Variants in DOCK5 observed in about 807,000 individuals in gnomAD.
DOCK5 encodes dedicator of cytokinesis 5, also known as dedicator of cytokinesis protein 5.
In DOCK5, 142 loss-of-function variants were observed where a neutral mutation model predicts 251.8. The ratio of observed to expected loss-of-function variants is 0.56; its 90% CI spans 0.49 to 0.65. DOCK5 has a LOEUF of 0.65. Among genes scored for constraint, DOCK5 ranks in the 30% least tolerant of loss-of-function variants. The pLI, the probability that DOCK5 is intolerant of heterozygous loss-of-function variation, is 0.00. For missense variants in DOCK5, 2,111 were observed against 2,312.3 expected, an observed-to-expected ratio of 0.91 and a Z score of 1.79; for synonymous variants, 842 against 835.5, an observed-to-expected ratio of 1.01 and a Z score of -0.13.
chr8:25,321,974 ACT>A (rs1805436650), intron 16 of DOCK5, among the ~76,000 whole-genome samples: 1 of 152,034 alleles, frequency 6.6e-6, no homozygotes, highest in East Asian at 1.9e-4. Context: ...TCATGAAAAA[ACT>A]CTTTCAAGTC....
At chr8:25,278,968 A>C (rs1447843430) in intron 5 of DOCK5, among the ~76,000 whole-genome samples, 2 of 152,212 alleles carry the variant, frequency 1.3e-5, no homozygotes, top group Admixed American at 6.5e-5. Flanking sequence ...CCTAAGTGCC[A>C]GAAACTATGA....
intron 45 of DOCK5, among the ~76,000 whole-genome samples, chr8:25,398,828 A>G (rs1340881282): frequency 1.3e-5 from 2 of 152,130 alleles, no homozygotes; most frequent in East Asian, 3.9e-4. Context: ...TTGCTTCCAA[A>G]TAGGGTCACA....
intron 2 of DOCK5, among the ~76,000 whole-genome samples, chr8:25,247,606 A>G (rs527438019): frequency 1.3e-5 from 2 of 149,762 alleles, no homozygotes; most frequent in South Asian, 4.2e-4. Flanking sequence ...AAAAGAAAAA[A>G]AAAAGTAATT....
chr8:25,382,711 C>T lies in DOCK5; in HGVS notation c.4064C>T (p.Ala1355Val), dbSNP rs374820051. The T allele has an allele frequency of 3.1e-6, 5 of 1,613,166 alleles. No individual in the cohort carries two copies. In the African/African-American group the frequency reaches 6.7e-5, roughly 22 times the overall value. The change falls in exon 40 of 52, where the codon GCA becomes GTA. Residue 1355 changes from alanine to valine, a missense_variant. This residue lies in a region of DOCK5 where 1,717 missense variants were observed against 1,892.4 expected (regional missense o/e 0.91). Coordinates refer to ENST00000276440, the MANE Select transcript of DOCK5 (RefSeq NM_024940.8). ...RASFYENIIK[A>V]MRPQPEYFAV... Reference sequence around the variant, plus strand: ...TCATTTTATGAGAACATCATTAAGGCAATGAGGCCTCAGCCTGAATACTTT... The same window carrying T: ...TCATTTTATGAGAACATCATTAAGGTAATGAGGCCTCAGCCTGAATACTTT...
intron 1 of DOCK5, among the ~76,000 whole-genome samples, chr8:25,215,679 A>G (rs1019844544): frequency 2.0e-5 from 3 of 152,236 alleles, no homozygotes; most frequent in South Asian, 2.1e-4. Context: ...TGACAACAGT[A>G]TGTATGATTA....
chr8:25,323,861 G>A lies in DOCK5; in HGVS notation c.1629G>A (p.Ser543=), dbSNP rs548980300. The A allele has an allele frequency of 2.0e-5, 33 of 1,613,182 alleles. No individual in the cohort carries two copies. The highest frequency in any genetic ancestry group is 6.6e-5 in the South Asian group (6 of 90,810). ...HRSSQETRDK[S]ERAFGVAFVK... ...CTGCCTTTTCAGCCAGAGATAAATC[G>A]GAGCGAGCATTTGGGGTGGCCTTCG... The change falls in exon 17 of 52, where the codon TCG becomes TCA. Residue 543 remains serine, a synonymous_variant. Transcript: ENST00000276440.
In DOCK5 at chr8:25,275,377, T is replaced by C. The variant is rs771696505; in HGVS notation, c.169-9T>C. On this transcript the variant is annotated splice_polypyrimidine_tract_variant and intron_variant, in intron 3 of 51. Transcript: ENST00000276440. ...TATGGCCATATAACCAAAATTCTTT[T>C]CTCTGTAGGGCATTTTCCCTGAAAC... 4 of 1,595,664 alleles carry C rather than the reference T, an allele frequency of 2.5e-6. No individual in the cohort carries two copies. In the African/African-American group the frequency reaches 5.4e-5, roughly 22 times the overall value.
In DOCK5 at chr8:25,389,159, C is replaced by G. The variant is rs1272335498; in HGVS notation, c.4200C>G (p.Thr1400=). 1 of 1,613,926 alleles carries G rather than the reference C, an allele frequency of 6.2e-7. No homozygotes were observed. The highest frequency in any genetic ancestry group is 8.5e-7 in the Non-Finnish European group (1 of 1,179,880). Residue 1400 remains threonine, a synonymous_variant, in exon 41 of 52, where the codon ACC becomes ACG. Transcript: ENST00000276440. ...RREDFSLRLL[T]QFPNAEKMTS... is the part of the protein sequence containing the mutation. ...AGGACTTCAGCCTGAGGTTGTTAAC[C>G]CAGTTCCCCAATGCGGAGAAGATGA... is the stretch of plus-strand genomic sequence containing the variant.
intron 1 of DOCK5, among the ~76,000 whole-genome samples, chr8:25,190,775 G>GATTTTTTTTTTTT (rs755511798): frequency 5.6e-5 from 3 of 53,978 alleles, no homozygotes; most frequent in African/African-American, 1.3e-4. Context: ...CTTGGTCATG[G>GATTTTTTTTTTTT]GTTTTTTTTT....
At chr8:25,375,878 A>G (rs1800953993) in intron 37 of DOCK5, 1 of 928,416 alleles carries the variant, frequency 1.1e-6, no homozygotes, top group Non-Finnish European at 1.3e-6. Context: ...CCAGCAGATC[A>G]CTTGGGGTCA....
chr8:25,399,878 T>C, intron 45 of DOCK5, 33 bp from the exon 46 acceptor site: 1 of 1,538,014 alleles, frequency 6.5e-7, no homozygotes, highest in East Asian at 2.3e-5. Context: ...TAGGAATGTG[T>C]TCTAATTAAA....
intron 5 of DOCK5, among the ~76,000 whole-genome samples, chr8:25,284,968 G>A (rs538547549): frequency 2.0e-5 from 3 of 152,194 alleles, no homozygotes; most frequent in South Asian, 2.1e-4. Flanking sequence ...ATTTAGTTTC[G>A]TGCTATTCCT....
At chr8:25,407,471 C>A (rs925759711) in intron 48 of DOCK5, among the ~76,000 whole-genome samples, 9 of 152,168 alleles carry the variant, frequency 5.9e-5, no homozygotes, top group Non-Finnish European at 1.2e-4. Flanking sequence ...ATATTTTCGT[C>A]CAGTCGTCTG....
chr8:25,208,979 T>C (rs1018193460), intron 1 of DOCK5, among the ~76,000 whole-genome samples: 1 of 152,150 alleles, frequency 6.6e-6, no homozygotes, highest in Non-Finnish European at 1.5e-5. Context: ...GAATAGCCAG[T>C]AGGAACATGT....
Position 25,394,182 on chromosome 8 carries a change from A to G in DOCK5, c.4527+1300A>G, listed in dbSNP as rs140655374. On this transcript the variant is annotated intron_variant, in intron 44 of 51. Transcript: ENST00000276440. ...GTTACAGTGAGCTGTGAATAATTGC[A>G]CTACTGCAGTCCAGCCTGGTCAACT... Among the ~76,000 whole-genome samples, 298 of 152,234 alleles carry G rather than the reference A, an allele frequency of 2.0e-3. 2 individuals carry two copies. The highest frequency in any genetic ancestry group is 3.3e-3 in the South Asian group (16 of 4,820).
intron 14 of DOCK5, among the ~76,000 whole-genome samples, chr8:25,318,203 C>G (rs904991571): frequency 5.3e-5 from 8 of 152,084 alleles, no homozygotes; most frequent in Non-Finnish European, 1.2e-4. Context: ...ATTCTCCTGC[C>G]TCAGCCTCTG....
chr8:25,349,771 G>A (rs191181478), intron 26 of DOCK5, among the ~76,000 whole-genome samples: 55 of 152,274 alleles, frequency 3.6e-4, no homozygotes, highest in African/African-American at 1.3e-3. Context: ...CCGGGGAAAG[G>A]CTAAGAGGTG....
At chr8:25,308,139 G>A (rs913148374) in intron 11 of DOCK5, among the ~76,000 whole-genome samples, 1 of 152,142 alleles carries the variant, frequency 6.6e-6, no homozygotes, top group Non-Finnish European at 1.5e-5. Context: ...TCTGCCTTCA[G>A]TAGAATGGAG....
intron 1 of DOCK5, among the ~76,000 whole-genome samples, chr8:25,189,597 G>A (rs1459929781): frequency 6.6e-6 from 1 of 152,170 alleles, no homozygotes; most frequent in Admixed American, 6.5e-5. Flanking sequence ...CTAGGCTCAA[G>A]CAGTCCTTCT....
Sources: gnomAD v4.1 joint callset for allele counts (sites outside exome capture counted in the v4.1 genomes callset) on GRCh38, gnomAD v4.1.1 for gene constraint, gnomAD v4.1.1 regional missense constraint, MANE v1.5 for transcripts, NCBI Gene and HGNC (gene_info 2026-07-23, HGNC 2026-07-21) for gene names.